The following PPP1R1C variants were observed in gnomAD, a reference collection of about 807,000 sequenced individuals.
PPP1R1C encodes protein phosphatase 1 regulatory subunit 1C.
Under a neutral mutation model 17.4 loss-of-function variants are expected in PPP1R1C, and 15 were observed. The ratio of observed to expected loss-of-function variants is 0.86; its 90% CI spans 0.58 to 1.33. The LOEUF (loss-of-function observed/expected upper bound fraction) is 1.33. PPP1R1C is among the 40% of genes most tolerant of loss of function. The pLI, the probability that PPP1R1C is intolerant of heterozygous loss-of-function variation, is 0.00. For synonymous variants in PPP1R1C, 35 were observed against 43.1 expected (o/e 0.81, Z 0.73); for missense variants, 143 against 130.0 (o/e 1.10, Z -0.48).
intron 1 of PPP1R1C, among the ~76,000 whole-genome samples, chr2:181,960,396 G>A (rs1684749852): frequency 6.6e-6 from 1 of 152,228 alleles, no homozygotes; most frequent in Admixed American, 6.5e-5. Flanking sequence ...GTCTGGTAAT[G>A]TCTGTTGATT....
intron 4 of PPP1R1C, among the ~76,000 whole-genome samples, chr2:182,092,796 G>A (rs747892729): frequency 6.6e-6 from 1 of 152,186 alleles, no homozygotes; most frequent in Non-Finnish European, 1.5e-5. Context: ...ACTGATGCAA[G>A]AGGTAGGTCC....
At position 181,957,692 on chromosome 2, in the gene PPP1R1C, C is replaced by CA. The variant is rs1230484262; in HGVS notation, n.111+3058_111+3059insA. On this transcript the variant is annotated intron_variant and non_coding_transcript_variant, in intron 1 of 5. Transcript: ENST00000464264. The surrounding 1 kb of genome is among the most constrained non-coding windows in gnomAD (Gnocchi z 4.2). ...AAATCTGATAATTCCCATTGCATACCTTAGGAATCTGTCTCCCATGCCCCA... is the reference window on the plus strand; with the variant it reads ...AAATCTGATAATTCCCATTGCATACCATTAGGAATCTGTCTCCCATGCCCCA... 2.0e-5 allele frequency among the ~76,000 whole-genome samples: 3 copies of CA among 151,976 alleles called. No homozygotes were observed. The highest frequency in any genetic ancestry group is 4.8e-5 in the African/African-American group (2 of 41,366).
intron 2 of PPP1R1C, among the ~76,000 whole-genome samples, chr2:182,042,081 A>G (rs1374378438): frequency 6.6e-6 from 1 of 152,158 alleles, no homozygotes; most frequent in Non-Finnish European, 1.5e-5. Flanking sequence ...TATTTAACAC[A>G]TCTTACTCAC....
rs1159044968 is a variant in PPP1R1C at position 181,962,848 on chromosome 2, G to C, written n.111+8214G>C. ...ACCTTCACATCCACATGAAGACAGG[G>C]GAAGGAAGGAGAATCACTGATTCCC... On this transcript the variant is annotated intron_variant and non_coding_transcript_variant, in intron 1 of 5. Transcript: ENST00000464264. The surrounding 1 kb of genome is among the most constrained non-coding windows in gnomAD (Gnocchi z 6.0). 2.0e-5 allele frequency among the ~76,000 whole-genome samples: 3 copies of C among 152,262 alleles called. No homozygotes were observed. The highest frequency in any genetic ancestry group is 2.9e-5 in the Non-Finnish European group (2 of 68,014).
At chr2:182,031,066 T>TCGGCTTG (rs1686816999) in intron 2 of PPP1R1C, 1 of 153,960 alleles carries the variant, frequency 6.5e-6, no homozygotes, top group Non-Finnish European at 1.4e-5. Context: ...TCACCCTGCT[T>TCGGCTTG]CGGCTTGCGC....
intron 4 of PPP1R1C, among the ~76,000 whole-genome samples, chr2:182,067,840 G>T (rs1688030941): frequency 6.6e-6 from 1 of 152,120 alleles, no homozygotes; most frequent in Admixed American, 6.5e-5. Context: ...TAAGGTACTT[G>T]GAAACAGAGT....
At position 182,115,937 on chromosome 2, in the gene PPP1R1C, A is replaced by T. The variant is rs546118787; in HGVS notation, c.242-1270A>T. Among the ~76,000 whole-genome samples, 33 of 152,240 alleles carry T rather than the reference A, an allele frequency of 2.2e-4. No individual in the cohort carries two copies. The South Asian group carries it at 6.8e-3, about 32-fold the overall frequency. ...TAGTAATACTTAAAAAATCTAATAA[A>T]CTAATTTTATAAGGTACAAAAAAGT... On this transcript the variant is annotated intron_variant, in intron 4 of 4. Transcript: ENST00000682840.
intron 2 of PPP1R1C, among the ~76,000 whole-genome samples, chr2:181,993,864 G>A (rs1396857823): frequency 6.6e-6 from 1 of 151,884 alleles, no homozygotes; most frequent in East Asian, 1.9e-4. Context: ...TACATTGTAA[G>A]TTTTCAAAGT....
At chr2:182,089,424 A>T (rs1465386123) in intron 4 of PPP1R1C, among the ~76,000 whole-genome samples, 2 of 152,216 alleles carry the variant, frequency 1.3e-5, no homozygotes, top group African/African-American at 4.8e-5. Flanking sequence ...TGTTCCAAGC[A>T]TGAGCATGCT....
chr2:182,077,463 TTTAC>T (rs1369415261), intron 4 of PPP1R1C, among the ~76,000 whole-genome samples: 1 of 152,224 alleles, frequency 6.6e-6, no homozygotes, highest in Non-Finnish European at 1.5e-5. Context: ...TGTCCCATGT[TTTAC>T]TTATAAGGCC....
intron 2 of PPP1R1C, among the ~76,000 whole-genome samples, chr2:182,002,954 C>T (rs527723095): frequency 1.7e-5 from 2 of 120,612 alleles, no homozygotes; most frequent in East Asian, 2.8e-4. Context: ...ACCCTGAAAT[C>T]CCCCAGAACT....
At chr2:181,998,085 G>A (rs1685664347) in intron 2 of PPP1R1C, among the ~76,000 whole-genome samples, 1 of 152,158 alleles carries the variant, frequency 6.6e-6, no homozygotes, top group African/African-American at 2.4e-5. Flanking sequence ...CTTTGACACT[G>A]GGAGGCCATT....
chr2:182,114,514 C>T (rs907548531), intron 4 of PPP1R1C, among the ~76,000 whole-genome samples: 1 of 152,072 alleles, frequency 6.6e-6, no homozygotes, highest in Admixed American at 6.6e-5. Flanking sequence ...ACTTTAATCT[C>T]AGCATTATTG....
At position 181,957,350 on chromosome 2, in the gene PPP1R1C, C is replaced by CT. The variant is rs1684687248; in HGVS notation, n.111+2717dup. Among the ~76,000 whole-genome samples, 1 of 152,098 alleles carries CT rather than the reference C, an allele frequency of 6.6e-6. No homozygotes were observed. Among genetic ancestry groups the CT allele is most frequent in the Non-Finnish European group, 1.5e-5 (1 of 68,020 alleles). ...TCAACCTGGGCGACAGAGTGAGACTCTGTCTTAAAAAGAGAAGAAAAAAAT... is the reference window on the plus strand; with the variant it reads ...TCAACCTGGGCGACAGAGTGAGACTCTTGTCTTAAAAAGAGAAGAAAAAAAT... On this transcript the variant is annotated intron_variant and non_coding_transcript_variant, in intron 1 of 5. Coordinates refer to the PPP1R1C transcript ENST00000464264. This position sits in a 1 kb window ranked among gnomAD's most constrained non-coding sequence, Gnocchi z 4.2.
chr2:182,109,831 T>A (rs1689364886), intron 4 of PPP1R1C, among the ~76,000 whole-genome samples: 1 of 152,200 alleles, frequency 6.6e-6, no homozygotes. Flanking sequence ...CTGGCCAGAT[T>A]CAGCCACCAC....
At chr2:181,983,862 C>T (rs1685239304), upstream of PPP1R1C, among the ~76,000 whole-genome samples, 2 of 152,102 alleles carry the variant, frequency 1.3e-5, no homozygotes, top group South Asian at 2.1e-4. Flanking sequence ...AGCAATGATA[C>T]TTAACTGAAT....
At chr2:182,059,291 A>T (rs1463574169) in intron 2 of PPP1R1C, among the ~76,000 whole-genome samples, 4 of 152,142 alleles carry the variant, frequency 2.6e-5, no homozygotes, top group Non-Finnish European at 5.9e-5. Flanking sequence ...TCTTTCAGAA[A>T]ATTTATAGTT....
intron 4 of PPP1R1C, among the ~76,000 whole-genome samples, chr2:182,113,667 C>T (rs80147565): frequency 6.9e-6 from 1 of 145,236 alleles, no homozygotes; most frequent in African/African-American, 2.5e-5. Flanking sequence ...CCCTTATACT[C>T]TTTTTTTTTT....
chr2:182,078,118 T>C (rs1688368602), intron 4 of PPP1R1C, among the ~76,000 whole-genome samples: 1 of 152,164 alleles, frequency 6.6e-6, no homozygotes, highest in South Asian at 2.1e-4. Flanking sequence ...TGGCAGAGGC[T>C]GCAGTGAGCT....
Sources: gnomAD v4.1 joint callset for allele counts (sites outside exome capture counted in the v4.1 genomes callset) on GRCh38, gnomAD v4.1.1 for gene constraint, Gnocchi (gnomAD v3.1) non-coding constraint, MANE v1.5 for transcripts, NCBI Gene and HGNC (gene_info 2026-07-23, HGNC 2026-07-21) for gene names.